The following IQGAP1 variants were observed in gnomAD, a reference collection of about 807,000 sequenced individuals.
The protein encoded by IQGAP1 is IQ motif containing GTPase activating protein 1.
In IQGAP1, 66 loss-of-function variants were observed where a neutral mutation model predicts 215.6. The observed-to-expected ratio is 0.31, with a 90% CI of 0.25 to 0.38. The LOEUF (loss-of-function observed/expected upper bound fraction) is 0.38, where lower values mean the gene tolerates loss of function less well. Ranked by LOEUF, IQGAP1 falls within the 10% of genes least tolerant of loss-of-function variation. IQGAP1 has a pLI of 1.00. For missense variants in IQGAP1, 1,712 were observed against 1,997.1 expected (o/e 0.86, Z 2.72); for synonymous variants, 772 against 728.7 (o/e 1.06, Z -0.96).
At chr15:90,407,985 A>G (rs1276578200) in intron 2 of IQGAP1, among the ~76,000 whole-genome samples, 1 of 152,250 alleles carries the variant, frequency 6.6e-6, no homozygotes, top group East Asian at 1.9e-4. Context: ...AAATGATGCA[A>G]ATAGTTAATG....
intron 2 of IQGAP1, among the ~76,000 whole-genome samples, chr15:90,414,793 A>G (rs1215791703): frequency 6.6e-6 from 1 of 151,854 alleles, no homozygotes; most frequent in Non-Finnish European, 1.5e-5. Flanking sequence ...TGTGTTTCCA[A>G]CTGCCTACAA....
chr15:90,488,592 G>C (rs977297793), intron 33 of IQGAP1, among the ~76,000 whole-genome samples: 4 of 152,130 alleles, frequency 2.6e-5, no homozygotes, highest in African/African-American at 9.7e-5. Context: ...ATATATACCT[G>C]AAACAGTGAT....
At chr15:90,392,522 C>T (rs1245749309) in intron 2 of IQGAP1, among the ~76,000 whole-genome samples, 1 of 152,140 alleles carries the variant, frequency 6.6e-6, no homozygotes, top group East Asian at 1.9e-4. Flanking sequence ...CTTCAACACA[C>T]CTTCCTTCCC....
intron 5 of IQGAP1, among the ~76,000 whole-genome samples, chr15:90,434,403 A>G (rs1004486232): frequency 6.6e-6 from 1 of 151,980 alleles, no homozygotes; most frequent in Non-Finnish European, 1.5e-5. Context: ...GCACCATTGC[A>G]CTCCAGCCTG....
At chr15:90,495,850 G>T (rs905168806) in intron 36 of IQGAP1, among the ~76,000 whole-genome samples, 1 of 149,794 alleles carries the variant, frequency 6.7e-6, no homozygotes, top group African/African-American at 2.4e-5. Flanking sequence ...TGTTGGCCAG[G>T]CTAATCTCAA....
chr15:90,485,230 A>T (rs565685668), intron 30 of IQGAP1, among the ~76,000 whole-genome samples: 9 of 152,328 alleles, frequency 5.9e-5, no homozygotes, highest in African/African-American at 2.2e-4. Context: ...ATCACTGGGG[A>T]TAATGGCACC....
chr15:90,474,603 C>T lies in IQGAP1; in HGVS notation c.2694C>T (p.Thr898=), dbSNP rs773989420. ...DLMKMREEVI[T]LIRSNQQLEN... ...TGAAGATGCGGGAAGAGGTTATCAC[C>T]CTCATTCGTTCTAACCAGCAGCTGG... The change falls in exon 23 of 38, where the codon ACC becomes ACT. Residue 898 remains threonine (T), a synonymous_variant. Transcript: ENST00000268182. The T allele has an allele frequency of 6.2e-7, 1 of 1,613,664 alleles. No homozygotes were observed. The highest frequency in any genetic ancestry group is 8.5e-7 in the Non-Finnish European group (1 of 1,179,592).
rs887677380 is a variant in IQGAP1, at chr15:90,388,261, A to T, written c.-81A>T. On this transcript the variant is annotated 5_prime_UTR_variant, in exon 1 of 38. Transcript: ENST00000268182. ...CTCGGGGACCCCGGCAAGCCCGCGC[A>T]CTTGGCAGGAGCTGTAGCTACCGCC... 3.3e-6 allele frequency: 5 copies of T among 1,504,700 alleles called. No homozygotes were observed. The highest frequency in any genetic ancestry group is 3.5e-5 in the Admixed American group (2 of 56,506). 93.2% of individuals were successfully genotyped at this position (1,504,700 alleles called of 1,614,324 possible). A position where few individuals can be genotyped will look rare whatever the true frequency, so the allele number is the denominator to read the frequency against.
intron 23 of IQGAP1, among the ~76,000 whole-genome samples, chr15:90,475,906 T>G (rs990848696): frequency 6.6e-5 from 10 of 152,102 alleles, no homozygotes; most frequent in Non-Finnish European, 1.3e-4. Context: ...AGGATAAGAC[T>G]CTTTCCCTAT....
At chr15:90,473,871 A>C in intron 20 of IQGAP1, 25 bp from the exon 21 acceptor site, 3 of 1,613,482 alleles carry the variant, frequency 1.9e-6, no homozygotes, top group Non-Finnish European at 2.5e-6. Context: ...GGACTCTTCT[A>C]ATTTCCAGGA....
intron 22 of IQGAP1, 45 bp downstream of exon 22, chr15:90,474,178 G>C (rs1441486745): frequency 6.5e-7 from 1 of 1,528,536 alleles, no homozygotes; most frequent in Non-Finnish European, 8.9e-7. Flanking sequence ...GTGGCTGGGA[G>C]CCACCAAGTT....
intron 2 of IQGAP1, among the ~76,000 whole-genome samples, chr15:90,397,549 C>T (rs3743417): frequency 1.5e-5 from 2 of 131,954 alleles, no homozygotes; most frequent in Admixed American, 8.8e-5. Context: ...CGGAGTCTTG[C>T]TCTGTCGCCC....
chr15:90,481,860 A>T (rs1966063943), intron 26 of IQGAP1, 100 bp from the exon 27 acceptor site: 1 of 1,262,838 alleles, frequency 7.9e-7, no homozygotes, highest in African/African-American at 1.5e-5. Context: ...AAGCTATCTA[A>T]TATTTCTGGG....
chr15:90,414,620 G>A (rs1323550547), intron 2 of IQGAP1, among the ~76,000 whole-genome samples: 4 of 152,028 alleles, frequency 2.6e-5, no homozygotes, highest in Admixed American at 6.6e-5. Flanking sequence ...GATCACAGAC[G>A]CTATCTTTGT....
At chr15:90,389,397 G>A (rs1449924526) in intron 1 of IQGAP1, among the ~76,000 whole-genome samples, 1 of 148,132 alleles carries the variant, frequency 6.8e-6, no homozygotes, top group African/African-American at 2.5e-5. Context: ...CCAGCCTGGA[G>A]TTCAGTGGTG....
chr15:90,416,174 C>A (rs1441796886), intron 2 of IQGAP1, among the ~76,000 whole-genome samples: 2 of 152,144 alleles, frequency 1.3e-5, no homozygotes, highest in Non-Finnish European at 2.9e-5. Flanking sequence ...TCCCGCCTCC[C>A]CCTACCCCAC....
rs376680916 is a variant in IQGAP1 at position 90,482,299 on chromosome 15, G to A, written c.3555+18G>A. On this transcript the variant is annotated intron_variant, in intron 28 of 37. Transcript: ENST00000268182. ...TGCTGAAGGTAAGAATCTCATAGCC[G>A]GCAGACTCCTGCCCTTTGAGGACAA... is the stretch of plus-strand genomic sequence containing the variant. 95 of 1,611,518 alleles carry A rather than the reference G, an allele frequency of 5.9e-5. No homozygotes were observed. The highest frequency in any genetic ancestry group is 4.8e-4 in the South Asian group (44 of 90,964).
intron 36 of IQGAP1, chr15:90,496,759 C>T (rs993928261): frequency 6.5e-6 from 1 of 153,134 alleles, no homozygotes; most frequent in African/African-American, 2.4e-5. Context: ...AGCACCTACT[C>T]TTTCTAGAAA....
chr15:90,403,742 C>T (rs1396918557), intron 2 of IQGAP1, among the ~76,000 whole-genome samples: 4 of 151,650 alleles, frequency 2.6e-5, no homozygotes, highest in African/African-American at 9.7e-5. Context: ...GGTGTGATCT[C>T]GGCTCATTAC....
Sources: allele counts gnomAD v4.1 joint callset (sites outside exome capture counted in the v4.1 genomes callset), GRCh38; gene constraint gnomAD v4.1.1; transcripts MANE v1.5; gene names NCBI Gene and HGNC (gene_info 2026-07-23, HGNC 2026-07-21).